The following XKR4 variants were observed in gnomAD, a reference collection of about 807,000 sequenced individuals.
XKR4 encodes the protein XK related 4, also known as XK-related protein 4.
In XKR4, 12 loss-of-function variants were observed where a neutral mutation model predicts 53.9. The observed-to-expected ratio is 0.22, with a 90% CI of 0.14 to 0.36. The LOEUF (loss-of-function observed/expected upper bound fraction) is 0.36, where lower values mean the gene tolerates loss of function less well. Ranked by LOEUF, XKR4 falls within the 10% of genes least tolerant of loss-of-function variation. XKR4 has a pLI of 1.00. For missense variants in XKR4, 799 were observed against 859.5 expected, an observed-to-expected ratio of 0.93 and a Z score of 0.88; for synonymous variants, 354 against 362.4, an observed-to-expected ratio of 0.98 and a Z score of 0.26.
intron 2 of XKR4, chr8:55,452,653 C>A: frequency 1.4e-6 from 2 of 1,430,894 alleles, no homozygotes; most frequent in Non-Finnish European, 9.8e-7. Flanking sequence ...TTGAGGTGGT[C>A]ACTGGTGACC....
chr8:55,129,724 A>C (rs1264108187), intron 1 of XKR4, among the ~76,000 whole-genome samples: 1 of 152,150 alleles, frequency 6.6e-6, no homozygotes, highest in East Asian at 1.9e-4. Flanking sequence ...TATATTTTAC[A>C]TGAGAGAGTC....
chr8:55,223,140 C>T (rs935026197), intron 1 of XKR4, among the ~76,000 whole-genome samples: 4 of 152,174 alleles, frequency 2.6e-5, no homozygotes, highest in African/African-American at 9.6e-5. Flanking sequence ...TAAGGCTGCA[C>T]AGGCAGAACC....
At chr8:55,318,205 C>A (rs1172445791) in intron 1 of XKR4, among the ~76,000 whole-genome samples, 1 of 152,094 alleles carries the variant, frequency 6.6e-6, no homozygotes, top group East Asian at 1.9e-4. Flanking sequence ...CCCTGACTGG[C>A]CTGAATCATT....
chr8:55,401,883 C>T (rs560331772), intron 2 of XKR4, among the ~76,000 whole-genome samples: 2 of 152,260 alleles, frequency 1.3e-5, no homozygotes, highest in African/African-American at 4.8e-5. Flanking sequence ...ATTATAAGTA[C>T]ATATTTACTA....
intron 2 of XKR4, among the ~76,000 whole-genome samples, chr8:55,388,215 A>G (rs1202070993): frequency 6.6e-6 from 1 of 152,178 alleles, no homozygotes; most frequent in Non-Finnish European, 1.5e-5. Context: ...ATGTCATTTA[A>G]TATTAACCAA....
intron 1 of XKR4, among the ~76,000 whole-genome samples, chr8:55,243,185 C>T (rs1207321577): frequency 6.6e-6 from 1 of 152,204 alleles, no homozygotes; most frequent in Admixed American, 6.5e-5. Flanking sequence ...TGAATTGACA[C>T]ATCATTATCA....
chr8:55,537,566 T>C lies in XKR4; in HGVS notation c.*13339T>C, dbSNP rs1192888114. ...GGAAAGGTATTCAACTATGCAAAGA[T>C]ATTGAGGGGATTTCCAGAGAAAACT... On this transcript the variant is annotated 3_prime_UTR_variant, in exon 3 of 3. Transcript: ENST00000327381. 1.3e-5 allele frequency: 2 copies of C among 152,188 alleles called. No homozygotes were observed. The highest frequency in any genetic ancestry group is 2.9e-5 in the Non-Finnish European group (2 of 68,040). The allele number at this position is 152,188 out of a possible 1,614,324, so 9.4% of individuals were successfully genotyped here. A position where few individuals can be genotyped will look rare whatever the true frequency, so the allele number is the denominator to read the frequency against.
At position 55,528,398 on chromosome 8, in the gene XKR4, T is replaced by A. The variant is rs534584792; in HGVS notation, c.*4171T>A. On this transcript the variant is annotated 3_prime_UTR_variant, in exon 3 of 3. Coordinates refer to ENST00000327381, the MANE Select transcript of XKR4 (RefSeq NM_052898.2). ...CCAGGATTGTGTAAGGTTACACATT[T>A]GCTTTTAAATATACCAAATGCCGTT... 2.0e-5 allele frequency: 3 copies of A among 152,384 alleles called. No individual in the cohort carries two copies. The highest frequency in any genetic ancestry group is 1.3e-4 in the Admixed American group (2 of 15,296). The allele number at this position is 152,384 out of a possible 1,614,324, so 9.4% of individuals were successfully genotyped here.
At chr8:55,175,619 C>G (rs1817221235) in intron 1 of XKR4, among the ~76,000 whole-genome samples, 1 of 152,114 alleles carries the variant, frequency 6.6e-6, no homozygotes, top group African/African-American at 2.4e-5. Flanking sequence ...CATTCAGAGT[C>G]TGAGCTTTCT....
chr8:55,442,755 G>A (rs182643047), intron 2 of XKR4, among the ~76,000 whole-genome samples: 31 of 152,324 alleles, frequency 2.0e-4, no homozygotes, highest in Admixed American at 3.9e-4. Flanking sequence ...CCATTTATAT[G>A]AATTGTCCAG....
At chr8:55,283,968 C>G (rs1031304494) in intron 1 of XKR4, among the ~76,000 whole-genome samples, 1 of 152,132 alleles carries the variant, frequency 6.6e-6, no homozygotes, top group Non-Finnish European at 1.5e-5. Flanking sequence ...CTCCTTCCTT[C>G]CAGCTCTGCC....
chr8:55,481,064 G>C (rs1381854133), intron 2 of XKR4, among the ~76,000 whole-genome samples: 1 of 151,990 alleles, frequency 6.6e-6, no homozygotes, highest in African/African-American at 2.4e-5. Context: ...AGTTCATATG[G>C]AACCAAAAAA....
rs549895293 is a variant in XKR4, at chr8:55,495,351, C to T, written c.1007-27930C>T. Reference sequence around the variant, plus strand: ...AGCTGCAGCAGAGTGGCTACAGCTGCACCCAAGGAGCTCCCGCCCCACCCA... The same window carrying T: ...AGCTGCAGCAGAGTGGCTACAGCTGTACCCAAGGAGCTCCCGCCCCACCCA... On this transcript the variant is annotated intron_variant, in intron 2 of 2. Coordinates refer to ENST00000327381, the MANE Select transcript of XKR4 (RefSeq NM_052898.2). 7.2e-3 allele frequency among the ~76,000 whole-genome samples: 1,100 copies of T among 152,236 alleles called. 8 individuals carry two copies. The highest frequency in any genetic ancestry group is 0.011 in the Non-Finnish European group (750 of 67,986).
intron 1 of XKR4, among the ~76,000 whole-genome samples, chr8:55,121,288 A>G (rs1262025540): frequency 6.6e-6 from 1 of 152,210 alleles, no homozygotes; most frequent in Non-Finnish European, 1.5e-5. Flanking sequence ...GTAAGCAACT[A>G]CCAAACTGTC....
intron 1 of XKR4, among the ~76,000 whole-genome samples, chr8:55,185,752 T>G (rs1484207533): frequency 6.6e-6 from 1 of 152,198 alleles, no homozygotes; most frequent in Non-Finnish European, 1.5e-5. Context: ...AATTGCAGAT[T>G]ATTCACTCAT....
chr8:55,260,746 A>C (rs1040266041), intron 1 of XKR4, among the ~76,000 whole-genome samples: 3 of 152,048 alleles, frequency 2.0e-5, no homozygotes, highest in Non-Finnish European at 4.4e-5. Context: ...TGGCCACCCC[A>C]CCCTAATTTT....
chr8:55,534,779 T>C lies in XKR4; in HGVS notation c.*10552T>C, dbSNP rs1361235539. 2 of 150,944 alleles carry C rather than the reference T, an allele frequency of 1.3e-5. No homozygotes were observed. The highest frequency in any genetic ancestry group is 2.9e-5 in the Non-Finnish European group (2 of 67,852). The allele number at this position is 150,944 out of a possible 1,614,324, so 9.4% of individuals were successfully genotyped here. A position where few individuals can be genotyped will look rare whatever the true frequency, so the allele number is the denominator to read the frequency against. On this transcript the variant is annotated 3_prime_UTR_variant, in exon 3 of 3. Transcript: ENST00000327381. ...GCTTCTGGGTTTTGTTTTTTTTTTT[T>C]CAAAGAAAGATTTGAGCTACGAGAT...
In XKR4 at chr8:55,241,036, T is replaced by C. The variant is rs575041599; in HGVS notation, c.807-116642T>C. ...GCAGGGCCAAGCAGCCTGTCTATTTTAAGAATAAAGGCTTCAAACTTTCTG... is the reference window on the plus strand; with the variant it reads ...GCAGGGCCAAGCAGCCTGTCTATTTCAAGAATAAAGGCTTCAAACTTTCTG... On this transcript the variant is annotated intron_variant, in intron 1 of 2. Coordinates refer to ENST00000327381, the MANE Select transcript of XKR4 (RefSeq NM_052898.2). 2.0e-5 allele frequency among the ~76,000 whole-genome samples: 3 copies of C among 152,334 alleles called. No homozygotes were observed. The South Asian group carries it at 6.2e-4, about 32-fold the overall frequency.
rs1001734632 is a variant in XKR4 at position 55,262,851 on chromosome 8, C to T, written c.807-94827C>T. ...TCAAGAAACTGTCATGGGCTGGAGG[C>T]GTCCCGTAGGCTAGATGGATGCACC... is the stretch of plus-strand genomic sequence containing the variant. On this transcript the variant is annotated intron_variant, in intron 1 of 2. Transcript: ENST00000327381. 3.3e-5 allele frequency among the ~76,000 whole-genome samples: 5 copies of T among 152,176 alleles called. No individual in the cohort carries two copies. In the East Asian group the frequency reaches 7.7e-4, roughly 23 times the overall value.
Sources: allele counts gnomAD v4.1 joint callset (sites outside exome capture counted in the v4.1 genomes callset), GRCh38; gene constraint gnomAD v4.1.1; transcripts MANE v1.5; gene names NCBI Gene and HGNC (gene_info 2026-07-23, HGNC 2026-07-21).